WWOX: variants seen among roughly 807,000 people sequenced by gnomAD.
WWOX encodes the protein WW domain containing oxidoreductase.
In WWOX, 69 loss-of-function variants were observed where a neutral mutation model predicts 46.2. The ratio of observed to expected loss-of-function variants is 1.49; its 90% confidence interval spans 1.23 to 1.82. The LOEUF is 1.82. Among genes scored for constraint, WWOX ranks in the 40% most tolerant of loss-of-function variants. The pLI, the probability that WWOX is intolerant of heterozygous loss-of-function variation, is 0.00. For synonymous variants in WWOX, 359 were observed against 202.6 expected (o/e 1.77, Z -6.56); for missense variants, 919 against 542.6 (o/e 1.69, Z -6.89).
At chr16:78,920,085 A>G (rs1466727707) in intron 8 of WWOX, among the ~76,000 whole-genome samples, 1 of 152,170 alleles carries the variant, frequency 6.6e-6, no homozygotes, top group Admixed American at 6.5e-5. Flanking sequence ...CATAGCTTGC[A>G]AAAACAAAGA....
At chr16:79,181,285 C>A (rs966871725) in intron 8 of WWOX, among the ~76,000 whole-genome samples, 2 of 152,180 alleles carry the variant, frequency 1.3e-5, no homozygotes, top group Non-Finnish European at 2.9e-5. Flanking sequence ...TTTAAAAATG[C>A]TTGCATACTG....
chr16:78,562,075 C>G (rs538159612), intron 8 of WWOX, among the ~76,000 whole-genome samples: 4 of 152,266 alleles, frequency 2.6e-5, no homozygotes, highest in East Asian at 3.9e-4. Flanking sequence ...GGGCACTCAA[C>G]AAACATCACT....
intron 8 of WWOX, among the ~76,000 whole-genome samples, chr16:78,912,600 G>A (rs117150769): frequency 0.014 from 2,169 of 152,142 alleles, 39 homozygotes; most frequent in Middle Eastern, 0.027. Flanking sequence ...TAGTGTGGCA[G>A]TCAGGGGAAA....
chr16:78,196,381 C>G (rs1019999285), intron 5 of WWOX, among the ~76,000 whole-genome samples: 3 of 152,148 alleles, frequency 2.0e-5, no homozygotes, highest in Admixed American at 6.5e-5. Context: ...AAAAGAACCC[C>G]TAAAGAGAGT....
intron 8 of WWOX, among the ~76,000 whole-genome samples, chr16:78,625,950 G>C (rs773813419): frequency 6.7e-6 from 1 of 149,682 alleles, no homozygotes; most frequent in African/African-American, 2.5e-5. Flanking sequence ...AAAAGTAATC[G>C]CAGTTTTTGC....
At chr16:79,160,119 G>T (rs530308415) in intron 8 of WWOX, among the ~76,000 whole-genome samples, 2 of 152,184 alleles carry the variant, frequency 1.3e-5, no homozygotes. Flanking sequence ...AATTCACTCG[G>T]CAAGAAGCCG....
intron 8 of WWOX, among the ~76,000 whole-genome samples, chr16:78,711,813 C>G (rs546552183): frequency 6.6e-6 from 1 of 152,164 alleles, no homozygotes; most frequent in African/African-American, 2.4e-5. Flanking sequence ...TGCACACACT[C>G]TCCCACTGTA....
chr16:78,681,014 C>T (rs1441269092), intron 8 of WWOX, among the ~76,000 whole-genome samples: 3 of 152,012 alleles, frequency 2.0e-5, no homozygotes, highest in South Asian at 2.1e-4. Context: ...TTTGGGAGGC[C>T]GAGGTGGGCG....
rs2050017213 is a variant in WWOX at position 79,138,046 on chromosome 16, G to A, written c.1057-73562G>A. ...CCAAACTGTTTCCATGGACCCTGTG[G>A]GTTCTTGTTAATACTGTTCAACCTT... On this transcript the variant is annotated intron_variant, in intron 8 of 8. Coordinates refer to ENST00000566780, the MANE Select transcript of WWOX (RefSeq NM_016373.4). Among the ~76,000 whole-genome samples, 4 of 152,298 alleles carry A rather than the reference G, an allele frequency of 2.6e-5. No homozygotes were observed. In the South Asian group the frequency reaches 8.3e-4, roughly 32 times the overall value.
rs560022063 is a variant in WWOX, at chr16:78,385,895, A to C, written c.517-965A>C. ...AAGAAGTGATAGTATTTAATCTCGC[A>C]CTCCGAAGCGCACCCAGATTTAAAA... On this transcript the variant is annotated intron_variant, in intron 5 of 8. Transcript: ENST00000566780. Among the ~76,000 whole-genome samples, 11 of 152,182 alleles carry C rather than the reference A, an allele frequency of 7.2e-5. No individual in the cohort carries two copies. The South Asian group carries it at 2.3e-3, about 32-fold the overall frequency.
chr16:79,122,136 C>T (rs901334386), intron 8 of WWOX, among the ~76,000 whole-genome samples: 1 of 152,276 alleles, frequency 6.6e-6, no homozygotes, highest in Non-Finnish European at 1.5e-5. Flanking sequence ...AGCGCGTGGG[C>T]CGGGAACACA....
chr16:78,638,125 A>G lies in WWOX; in HGVS notation c.1056+205373A>G, dbSNP rs1236706728. Among the ~76,000 whole-genome samples, 14 of 152,230 alleles carry G rather than the reference A, an allele frequency of 9.2e-5. No homozygotes were observed. In the East Asian group the frequency reaches 2.7e-3, roughly 29 times the overall value. ...TTAGTTATTCTAATAACTGCCCAATATCAGGCACTACCCTCAACACTGTTT... is the reference window on the plus strand; with the variant it reads ...TTAGTTATTCTAATAACTGCCCAATGTCAGGCACTACCCTCAACACTGTTT... On this transcript the variant is annotated intron_variant, in intron 8 of 8. Coordinates refer to ENST00000566780, the MANE Select transcript of WWOX (RefSeq NM_016373.4).
rs114356972 is a variant in WWOX, at chr16:79,025,428, A to G, written c.1057-186180A>G. On this transcript the variant is annotated intron_variant, in intron 8 of 8. Coordinates refer to ENST00000566780, the MANE Select transcript of WWOX (RefSeq NM_016373.4). ...GTCATCTTGGGTGGACCCTAAATCC[A>G]ATGACAGGTGTTTTCAGCAGAGACA... is the stretch of plus-strand genomic sequence containing the variant. Among the ~76,000 whole-genome samples, 1,160 of 152,256 alleles carry G rather than the reference A, an allele frequency of 7.6e-3. 24 individuals are homozygous for G. Among genetic ancestry groups the G allele is most frequent in the African/African-American group, 0.026 (1,100 of 41,530 alleles).
chr16:78,986,166 G>T (rs2046780765), intron 8 of WWOX, among the ~76,000 whole-genome samples: 1 of 152,216 alleles, frequency 6.6e-6, no homozygotes, highest in Non-Finnish European at 1.5e-5. Context: ...CATTTCCCTA[G>T]GCGAGATGAG....
intron 8 of WWOX, among the ~76,000 whole-genome samples, chr16:78,901,626 C>T (rs142122984): frequency 2.0e-3 from 298 of 152,262 alleles, no homozygotes; most frequent in Middle Eastern, 6.8e-3. Flanking sequence ...TAACTAGGAC[C>T]ACAGGCATGG....
At chr16:78,510,872 C>T (rs2085344517) in intron 8 of WWOX, among the ~76,000 whole-genome samples, 1 of 152,214 alleles carries the variant, frequency 6.6e-6, no homozygotes, top group Non-Finnish European at 1.5e-5. Context: ...ATGACCTGTG[C>T]AATGCACCTG....
intron 8 of WWOX, among the ~76,000 whole-genome samples, chr16:78,603,418 G>T (rs1377672746): frequency 6.6e-6 from 1 of 152,160 alleles, no homozygotes; most frequent in Non-Finnish European, 1.5e-5. Flanking sequence ...TATCCTGCTG[G>T]GTGCAGTGCC....
Position 78,405,712 on chromosome 16 carries a change from C to A in WWOX, c.605+18764C>A, listed in dbSNP as rs138433557. On this transcript the variant is annotated intron_variant, in intron 6 of 8. Transcript: ENST00000566780. The stretch of plus-strand genomic sequence containing the variant: ...AACAGGAAATATCCTCTTTTAGGCA[C>A]CATCTCTGTCAAGGCTGATGCTGGG... Among the ~76,000 whole-genome samples the A allele has an allele frequency of 9.9e-3, 1,505 of 152,264 alleles. 15 individuals carry two copies. Among genetic ancestry groups the A allele is most frequent in the Non-Finnish European group, 0.015 (1,005 of 68,006 alleles).
chr16:79,202,043 C>T (rs113869612), intron 8 of WWOX, among the ~76,000 whole-genome samples: 4 of 148,952 alleles, frequency 2.7e-5, no homozygotes, highest in African/African-American at 1.0e-4. Context: ...CCGGCTAAAT[C>T]TGGCCCAGTG....
Sources: gnomAD v4.1 joint callset for allele counts (sites outside exome capture counted in the v4.1 genomes callset) on GRCh38, gnomAD v4.1.1 for gene constraint, MANE v1.5 for transcripts, NCBI Gene and HGNC (gene_info 2026-07-23, HGNC 2026-07-21) for gene names.